Variants in NFIA observed in about 807,000 individuals in gnomAD.
NFIA encodes nuclear factor 1 A-type.
A neutral mutation model predicts 62.8 loss-of-function variants in NFIA; 8 were observed. That is an observed-to-expected ratio of 0.13 (90% CI 0.07 to 0.23). NFIA has a LOEUF of 0.23. Ranked by LOEUF, NFIA falls within the 10% of genes least tolerant of loss-of-function variation. The pLI is 1.00. For missense variants in NFIA, 410 were observed against 642.1 expected, an observed-to-expected ratio of 0.64 and a Z score of 3.91; for synonymous variants, 235 against 238.1, an observed-to-expected ratio of 0.99 and a Z score of 0.12.
At chr1:61,125,537 A>C (rs1187959374) in intron 2 of NFIA, among the ~76,000 whole-genome samples, 1 of 152,168 alleles carries the variant, frequency 6.6e-6, no homozygotes, top group Admixed American at 6.5e-5. Context: ...AGAGCACACA[A>C]AGAGATCCTG....
In NFIA at chr1:61,455,608, T is replaced by TA; in HGVS notation, c.*289dup. 2 of 496,766 alleles carry TA rather than the reference T, an allele frequency of 4.0e-6. No individual in the cohort carries two copies. The highest frequency in any genetic ancestry group is 3.6e-5 in the South Asian group (1 of 28,124). The allele number at this position is 496,766 out of a possible 1,614,324, so 30.8% of individuals were successfully genotyped here. A position where few individuals can be genotyped will look rare whatever the true frequency, so the allele number is the denominator to read the frequency against. ...TGTAACATTTGAAGTGTTTCCATGG[T>TA]AGCGTGAGCATTAGGTGACGTGGCT... is the stretch of plus-strand genomic sequence containing the variant. On this transcript the variant is annotated 3_prime_UTR_variant, in exon 11 of 11. Coordinates refer to ENST00000403491, the MANE Select transcript of NFIA (RefSeq NM_001134673.4).
intron 2 of NFIA, among the ~76,000 whole-genome samples, chr1:61,090,993 C>A (rs1189856469): frequency 6.6e-6 from 1 of 152,212 alleles, no homozygotes; most frequent in African/African-American, 2.4e-5. Context: ...TGTTATAATA[C>A]TGAAGATTTG....
intron 9 of NFIA, among the ~76,000 whole-genome samples, chr1:61,410,705 G>T (rs1468467366): frequency 6.6e-6 from 1 of 152,076 alleles, no homozygotes; most frequent in Non-Finnish European, 1.5e-5. Context: ...TCAGGAGTTC[G>T]AGACCAGCCT....
At chr1:61,081,683 G>A (rs1646097067), upstream of NFIA, 2 of 535,558 alleles carry the variant, frequency 3.7e-6, no homozygotes, top group African/African-American at 1.9e-5. Flanking sequence ...ATTAATCTCC[G>A]CCTTCTTTTC....
chr1:61,208,085 G>C (rs1285059544), intron 2 of NFIA, among the ~76,000 whole-genome samples: 1 of 150,078 alleles, frequency 6.7e-6, no homozygotes, highest in African/African-American at 2.5e-5. Flanking sequence ...CAGTAGACCT[G>C]TGGTGTTGCA....
At chr1:61,354,799 G>GA (rs1222597762) in intron 5 of NFIA, among the ~76,000 whole-genome samples, 5 of 152,104 alleles carry the variant, frequency 3.3e-5, no homozygotes, top group Non-Finnish European at 7.4e-5. Flanking sequence ...AACCATCTTT[G>GA]AGGCCAACAC....
intron 2 of NFIA, among the ~76,000 whole-genome samples, chr1:61,191,842 C>T (rs1651648891): frequency 6.6e-6 from 1 of 152,142 alleles, no homozygotes; most frequent in South Asian, 2.1e-4. Context: ...TAACTCTTAA[C>T]AGTCTTCTGA....
intron 2 of NFIA, among the ~76,000 whole-genome samples, chr1:61,096,236 G>A (rs1185128944): frequency 1.3e-5 from 2 of 152,060 alleles, no homozygotes; most frequent in East Asian, 1.9e-4. Context: ...TGTTTGAGAC[G>A]GAGTTTAGCC....
intron 3 of NFIA, among the ~76,000 whole-genome samples, chr1:61,290,084 T>C (rs1021161348): frequency 1.3e-5 from 2 of 151,726 alleles, no homozygotes; most frequent in Admixed American, 6.6e-5. Flanking sequence ...TATGAACACT[T>C]TGTTCTTTTT....
At chr1:61,318,933 A>G (rs1399557082) in intron 3 of NFIA, among the ~76,000 whole-genome samples, 1 of 152,214 alleles carries the variant, frequency 6.6e-6, no homozygotes, top group Non-Finnish European at 1.5e-5. Flanking sequence ...CCAGAGTAAT[A>G]GAAGGTAAGA....
intron 9 of NFIA, among the ~76,000 whole-genome samples, chr1:61,420,730 A>G (rs12039166): frequency 0.25 from 37,476 of 152,064 alleles, 4,905 homozygotes; most frequent in East Asian, 0.43. Flanking sequence ...AAACGAGGGA[A>G]CACATGAAGG....
At chr1:61,398,738 T>C (rs979401866) in intron 7 of NFIA, among the ~76,000 whole-genome samples, 1 of 152,234 alleles carries the variant, frequency 6.6e-6, no homozygotes, top group Non-Finnish European at 1.5e-5. Context: ...TCTTCTTTCC[T>C]GTATCTCTGT....
At chr1:61,166,900 G>A (rs1649603831) in intron 2 of NFIA, among the ~76,000 whole-genome samples, 1 of 152,370 alleles carries the variant, frequency 6.6e-6, no homozygotes, top group South Asian at 2.1e-4. Context: ...CCAACACTTT[G>A]GGAGGCCAAG....
At chr1:61,189,975 T>C (rs915495151) in intron 2 of NFIA, among the ~76,000 whole-genome samples, 9 of 152,170 alleles carry the variant, frequency 5.9e-5, no homozygotes, top group African/African-American at 2.2e-4. Flanking sequence ...TTGTTCTTCT[T>C]ACCGTGCTGT....
At chr1:61,080,589 T>A (rs1646083659), upstream of NFIA, among the ~76,000 whole-genome samples, 1 of 152,174 alleles carries the variant, frequency 6.6e-6, no homozygotes, top group African/African-American at 2.4e-5. Context: ...GCCAGGGATG[T>A]TGTCTCTGTA....
At chr1:61,205,705 C>G (rs1652846346) in intron 2 of NFIA, among the ~76,000 whole-genome samples, 1 of 152,006 alleles carries the variant, frequency 6.6e-6, no homozygotes, top group South Asian at 2.1e-4. Context: ...GGGCAGAGTT[C>G]AAACACTTGG....
chr1:61,394,726 C>CT (rs1665177893), intron 7 of NFIA, among the ~76,000 whole-genome samples: 1 of 152,096 alleles, frequency 6.6e-6, no homozygotes, highest in Non-Finnish European at 1.5e-5. Context: ...TATTCCATTC[C>CT]TTGTGTGAAA....
chr1:61,247,328 G>A (rs920332304), intron 2 of NFIA, among the ~76,000 whole-genome samples: 4 of 152,262 alleles, frequency 2.6e-5, no homozygotes, highest in East Asian at 3.9e-4. Flanking sequence ...GTTTCATTTC[G>A]TGATATGCAG....
intron 2 of NFIA, among the ~76,000 whole-genome samples, chr1:61,181,538 G>A (rs927263024): frequency 1.3e-5 from 2 of 152,116 alleles, no homozygotes; most frequent in East Asian, 1.9e-4. Flanking sequence ...TTTTATTATT[G>A]TTTTAACATT....
Sources: allele counts gnomAD v4.1 joint callset (sites outside exome capture counted in the v4.1 genomes callset), GRCh38; gene constraint gnomAD v4.1.1; transcripts MANE v1.5; gene names NCBI Gene and HGNC (gene_info 2026-07-23, HGNC 2026-07-21).